Variants in SMYD2 observed in about 807,000 individuals in gnomAD.
SMYD2 encodes SET and MYND domain containing 2.
A neutral mutation model predicts 59.1 loss-of-function variants in SMYD2; 53 were observed. The ratio of observed to expected loss-of-function variants is 0.90; its 90% CI spans 0.72 to 1.13. SMYD2 has a LOEUF of 1.13. Among genes scored for constraint, SMYD2 ranks in the 50% most tolerant of loss-of-function variants. The pLI, the probability that SMYD2 is intolerant of heterozygous loss-of-function variation, is 0.00. For missense variants in SMYD2, 494 were observed against 544.7 expected (o/e 0.91, Z 0.93); for synonymous variants, 208 against 198.8 (o/e 1.05, Z -0.39).
At chr1:214,289,743 C>T (rs1279065225) in intron 1 of SMYD2, among the ~76,000 whole-genome samples, 1 of 152,212 alleles carries the variant, frequency 6.6e-6, no homozygotes, top group Non-Finnish European at 1.5e-5. Flanking sequence ...TTCTGATCCT[C>T]CTGCTCACTC....
At chr1:214,314,965 C>T (rs901502542) in intron 3 of SMYD2, 93 bp downstream of exon 3, 5 of 906,948 alleles carry the variant, frequency 5.5e-6, no homozygotes, top group African/African-American at 1.6e-5. Context: ...AACCATCTCT[C>T]GTTAAACATC....
Position 214,336,473 on chromosome 1 carries a change from A to C in SMYD2, c.1222-231A>C, listed in dbSNP as rs546095026. Among the ~76,000 whole-genome samples, 144 of 152,338 alleles carry C rather than the reference A, an allele frequency of 9.5e-4. 1 individual carries two copies. Among genetic ancestry groups the C allele is most frequent in the Middle Eastern group, 6.8e-3 (2 of 294 alleles). On this transcript the variant is annotated intron_variant, in intron 11 of 11. Coordinates refer to ENST00000366957, the MANE Select transcript of SMYD2 (RefSeq NM_020197.3). ...CGTGAACCCGGGATGCGGAGCTTGCAGTGAGCGGAGATCGCACCACTGCAC... is the reference window on the plus strand; with the variant it reads ...CGTGAACCCGGGATGCGGAGCTTGCCGTGAGCGGAGATCGCACCACTGCAC...
chr1:214,326,926 G>T (rs1294073072), intron 6 of SMYD2, among the ~76,000 whole-genome samples: 1 of 152,254 alleles, frequency 6.6e-6, no homozygotes, highest in Non-Finnish European at 1.5e-5. Flanking sequence ...AGCATTTTCA[G>T]AGATCAAGCA....
intron 1 of SMYD2, among the ~76,000 whole-genome samples, chr1:214,299,465 T>TTATATATATATATATATATGTA (rs756823866): frequency 1.4e-5 from 1 of 71,612 alleles, no homozygotes; most frequent in Non-Finnish European, 2.9e-5. Context: ...AAAGAAAACA[T>TTATATATATATATATATATGTA]TATATATATA....
At chr1:214,330,121 G>T (rs778933182) in intron 7 of SMYD2, 47 bp from the exon 8 acceptor site, 1 of 1,313,158 alleles carries the variant, frequency 7.6e-7, no homozygotes, top group Admixed American at 1.8e-5. Flanking sequence ...GACAAGGATT[G>T]AGTTTACCTG....
chr1:214,334,097 AG>A, intron 10 of SMYD2, 102 bp from the exon 11 acceptor site: 1 of 968,672 alleles, frequency 1.0e-6, no homozygotes, highest in Admixed American at 2.0e-5. Flanking sequence ...TGGTGGGCAG[AG>A]GTTGGCCCTA....
chr1:214,331,120 A>C, intron 9 of SMYD2, 50 bp downstream of exon 9: 2 of 1,603,814 alleles, frequency 1.2e-6, no homozygotes, highest in South Asian at 2.2e-5. Context: ...CCAACAAGGC[A>C]AGGTGGGAAG....
chr1:214,304,576 A>AAAAAAAAAAAAAAC (rs1656886438), intron 1 of SMYD2, among the ~76,000 whole-genome samples: 1 of 151,364 alleles, frequency 6.6e-6, no homozygotes, highest in Admixed American at 6.6e-5. Context: ...AAAAAAAAAA[A>AAAAAAAAAAAAAAC]AAAAAAGCAT....
intron 11 of SMYD2, 88 bp downstream of exon 11, chr1:214,334,396 G>A: frequency 1.6e-6 from 2 of 1,241,700 alleles, no homozygotes; most frequent in South Asian, 1.2e-5. Flanking sequence ...CTGAATGGCT[G>A]AAGCAGTGGA....
chr1:214,331,810 T>G (rs1234172177), intron 9 of SMYD2: 1 of 544,690 alleles, frequency 1.8e-6, no homozygotes, highest in Non-Finnish European at 3.2e-6. Flanking sequence ...GCTAAAATTC[T>G]TGAGTTGAGC....
chr1:214,317,400 T>C (rs1449864108), intron 3 of SMYD2, among the ~76,000 whole-genome samples: 1 of 152,192 alleles, frequency 6.6e-6, no homozygotes, highest in Non-Finnish European at 1.5e-5. Context: ...ACATGTTAAC[T>C]AGGGAGGTGA....
Position 214,330,293 on chromosome 1 carries a change from T to G in SMYD2, c.816+15T>G. On this transcript the variant is annotated intron_variant, in intron 8 of 11. Coordinates refer to ENST00000366957, the MANE Select transcript of SMYD2 (RefSeq NM_020197.3). ...CCAAGGACAAGGTAAGGTTGTTCAT[T>G]GGGCAAGAGCGCTGACTGCACTCTG... The G allele has an allele frequency of 6.4e-7, 1 of 1,568,184 alleles. No homozygotes were observed. The highest frequency in any genetic ancestry group is 8.8e-7 in the Non-Finnish European group (1 of 1,142,730).
At chr1:214,331,115 A>G in intron 9 of SMYD2, 45 bp downstream of exon 9, 1 of 1,604,258 alleles carries the variant, frequency 6.2e-7, no homozygotes, top group South Asian at 1.1e-5. Flanking sequence ...CCTCGCCAAC[A>G]AGGCAAGGTG....
chr1:214,331,109 G>T (rs199599168), intron 9 of SMYD2, 39 bp downstream of exon 9: 1 of 1,604,332 alleles, frequency 6.2e-7, no homozygotes, highest in Non-Finnish European at 8.5e-7. Flanking sequence ...ATTATCCCTC[G>T]CCAACAAGGC....
chr1:214,325,640 A>G (rs1410769278), intron 6 of SMYD2, among the ~76,000 whole-genome samples: 1 of 152,188 alleles, frequency 6.6e-6, no homozygotes, highest in Non-Finnish European at 1.5e-5. Context: ...GAATCCGTAC[A>G]GTCTGTGTCT....
At chr1:214,284,835 A>G (rs1210320716) in intron 1 of SMYD2, among the ~76,000 whole-genome samples, 1 of 152,128 alleles carries the variant, frequency 6.6e-6, no homozygotes. Context: ...TTTAACCCCC[A>G]ATGTGATTTG....
intron 3 of SMYD2, among the ~76,000 whole-genome samples, chr1:214,315,287 C>T (rs1452991623): frequency 1.3e-5 from 2 of 152,172 alleles, no homozygotes; most frequent in Non-Finnish European, 2.9e-5. Context: ...TAATATTCTG[C>T]TCTTTCTTGG....
At position 214,336,988 on chromosome 1, in the gene SMYD2, T is replaced by C. The variant is rs1657450594; in HGVS notation, c.*204T>C. 1 of 504,570 alleles carries C rather than the reference T, an allele frequency of 2.0e-6. No homozygotes were observed. Among genetic ancestry groups the C allele is most frequent in the African/African-American group, 2.0e-5 (1 of 50,736 alleles). The allele number at this position is 504,570 out of a possible 1,614,324, so 31.3% of individuals were successfully genotyped here. On this transcript the variant is annotated 3_prime_UTR_variant, in exon 12 of 12. Transcript: ENST00000366957. Reference sequence around the variant, plus strand: ...AATACCAAATTAATTTTGAATGCTTTTGTTTCCTAAGAGATAATGGCATGG... The same window carrying C: ...AATACCAAATTAATTTTGAATGCTTCTGTTTCCTAAGAGATAATGGCATGG...
At chr1:214,315,809 G>T (rs1657076471) in intron 3 of SMYD2, among the ~76,000 whole-genome samples, 1 of 152,208 alleles carries the variant, frequency 6.6e-6, no homozygotes, top group African/African-American at 2.4e-5. Flanking sequence ...GCTCAAGATT[G>T]TATTGACCTA....
Sources: allele counts gnomAD v4.1 joint callset (sites outside exome capture counted in the v4.1 genomes callset), GRCh38; gene constraint gnomAD v4.1.1; transcripts MANE v1.5; gene names NCBI Gene and HGNC (gene_info 2026-07-23, HGNC 2026-07-21).